Variants in DOCK8 observed in about 807,000 individuals in gnomAD.
DOCK8 encodes the protein dedicator of cytokinesis protein 8.
A neutral mutation model predicts 245.6 loss-of-function variants in DOCK8; 141 were observed. The ratio of observed to expected loss-of-function variants is 0.57; its 90% CI spans 0.50 to 0.66. The LOEUF (loss-of-function observed/expected upper bound fraction) is 0.66, where lower values mean the gene tolerates loss of function less well. Among genes scored for constraint, DOCK8 ranks in the 30% least tolerant of loss-of-function variants. The pLI, the probability that DOCK8 is intolerant of heterozygous loss-of-function variation, is 0.00. For synonymous variants in DOCK8, 1,168 were observed against 970.2 expected (o/e 1.20, Z -3.79); for missense variants, 2,965 against 2,603.4 (o/e 1.14, Z -3.02).
At position 434,905 on chromosome 9, in the gene DOCK8, C is replaced by T. The variant is rs1234828608; in HGVS notation, c.5009C>T (p.Ala1670Val). 5 of 1,613,724 alleles carry T rather than the reference C, an allele frequency of 3.1e-6. No individual in the cohort carries two copies. The highest frequency in any genetic ancestry group is 2.7e-5 in the African/African-American group (2 of 74,916). Residue 1670 changes from alanine (A) to valine (V), a missense_variant, in exon 39 of 48, where the codon GCG (alanine) becomes GTG (valine). By Grantham distance (64) the Ala-to-Val change is moderately conservative (BLOSUM62 0). This residue lies in a region of DOCK8 where 2,825 missense variants were observed against 2,453.5 expected (regional missense o/e 1.15). Transcript: ENST00000432829. ...GCCATGTGCCTGGTGCACGCCGCTG[C>T]GTTAGTGGCTGAGTATCTGAGCATG... ...EAAMCLVHAA[A>V]LVAEYLSMLE...
chr9:435,433 C>T (rs1342868220), intron 39 of DOCK8, among the ~76,000 whole-genome samples: 3 of 152,172 alleles, frequency 2.0e-5, no homozygotes, highest in African/African-American at 7.2e-5. Context: ...ATTCCCACTT[C>T]GCGGATGAGA....
At chr9:262,961 CT>C (rs1431576844) in intron 1 of DOCK8, among the ~76,000 whole-genome samples, 1 of 152,154 alleles carries the variant, frequency 6.6e-6, no homozygotes, top group African/African-American at 2.4e-5. Flanking sequence ...AATCCCAGCA[CT>C]TTGGGAGGCC....
chr9:223,557 T>C (rs1368406473), intron 1 of DOCK8, among the ~76,000 whole-genome samples: 1 of 152,116 alleles, frequency 6.6e-6, no homozygotes, highest in Non-Finnish European at 1.5e-5. Context: ...TTGGAAATCC[T>C]TTTAGAATTA....
At chr9:331,175 T>G (rs2050992670) in intron 9 of DOCK8, among the ~76,000 whole-genome samples, 1 of 152,218 alleles carries the variant, frequency 6.6e-6, no homozygotes, top group African/African-American at 2.4e-5. Context: ...TATCGCCACC[T>G]TATCTCCCAG....
chr9:374,463 T>TG (rs1373458119), intron 18 of DOCK8, among the ~76,000 whole-genome samples: 3 of 142,134 alleles, frequency 2.1e-5, no homozygotes, highest in Non-Finnish European at 4.6e-5. Flanking sequence ...GTTTTTTTTT[T>TG]TTTTTTTTTT....
At chr9:317,652 A>T (rs2050405345) in intron 7 of DOCK8, among the ~76,000 whole-genome samples, 1 of 152,238 alleles carries the variant, frequency 6.6e-6, no homozygotes, top group Non-Finnish European at 1.5e-5. Flanking sequence ...AATGCAACTG[A>T]AACTCAGTGC....
intron 1 of DOCK8, among the ~76,000 whole-genome samples, chr9:249,436 A>T (rs2047595734): frequency 6.6e-6 from 1 of 152,296 alleles, no homozygotes; most frequent in Middle Eastern, 3.4e-3. Context: ...ATTTTCTTTC[A>T]AAAGTTTAAT....
At chr9:376,400 C>T (rs2053517349) in intron 19 of DOCK8, 95 bp downstream of exon 19, 1 of 922,242 alleles carries the variant, frequency 1.1e-6, no homozygotes, top group South Asian at 1.3e-5. Flanking sequence ...TCCTTGTCTA[C>T]AGATAAATAA....
At chr9:279,293 G>A (rs1407708291) in intron 2 of DOCK8, among the ~76,000 whole-genome samples, 1 of 152,210 alleles carries the variant, frequency 6.6e-6, no homozygotes, top group African/African-American at 2.4e-5. Context: ...TTATCAAGTA[G>A]TGATGTTGAG....
At chr9:462,030 T>G (rs536010308) in intron 46 of DOCK8, among the ~76,000 whole-genome samples, 1 of 152,270 alleles carries the variant, frequency 6.6e-6, no homozygotes, top group African/African-American at 2.4e-5. Context: ...CTCTCTATAT[T>G]AACTTTGGTT....
chr9:292,594 G>A (rs774726678), intron 4 of DOCK8, among the ~76,000 whole-genome samples: 5 of 150,360 alleles, frequency 3.3e-5, no homozygotes, highest in African/African-American at 7.4e-5. Context: ...CTGCTTATTC[G>A]TGAAATTTGT....
chr9:442,064 G>A (rs2057111576), intron 42 of DOCK8, 55 bp downstream of exon 42: 42 of 1,606,942 alleles, frequency 2.6e-5, no homozygotes, highest in Non-Finnish European at 3.5e-5. Context: ...AAACAAGTTA[G>A]AGTGGGTCAT....
intron 16 of DOCK8, among the ~76,000 whole-genome samples, chr9:371,031 T>C (rs552724800): frequency 6.6e-6 from 1 of 152,348 alleles, no homozygotes; most frequent in African/African-American, 2.4e-5. Flanking sequence ...CTCATTCATT[T>C]GCTTCTACTC....
At chr9:347,951 T>C (rs1040601065) in intron 14 of DOCK8, among the ~76,000 whole-genome samples, 1 of 152,230 alleles carries the variant, frequency 6.6e-6, no homozygotes, top group African/African-American at 2.4e-5. Context: ...ACAAAACATA[T>C]GAAGTCGTGA....
In DOCK8 at chr9:416,827, A is replaced by G. The variant is rs146018569; in HGVS notation, c.3701-1241A>G. Among the ~76,000 whole-genome samples, 817 of 152,346 alleles carry G rather than the reference A, an allele frequency of 5.4e-3. 7 individuals carry two copies. The highest frequency in any genetic ancestry group is 0.018 in the African/African-American group (750 of 41,582). ...TCTATAAAAGCATTTTGCACAGCAC[A>G]TGTTTGTATCTTTCCCGATTTTTCT... On this transcript the variant is annotated intron_variant, in intron 29 of 47. Coordinates refer to ENST00000432829, the MANE Select transcript of DOCK8 (RefSeq NM_203447.4).
At chr9:336,757 A>T (rs761168314) in intron 12 of DOCK8, 39 bp downstream of exon 12, 1 of 1,613,392 alleles carries the variant, frequency 6.2e-7, no homozygotes, top group Admixed American at 1.7e-5. Context: ...ATTTTTCCCC[A>T]TACTGGCATG....
At chr9:226,451 A>G (rs950819481) in intron 1 of DOCK8, among the ~76,000 whole-genome samples, 5 of 152,156 alleles carry the variant, frequency 3.3e-5, no homozygotes, top group African/African-American at 7.2e-5. Context: ...TGTTTAAAAG[A>G]TCTATTGTAC....
intron 27 of DOCK8, 143 bp downstream of exon 27, chr9:405,216 C>G (rs1397601613): frequency 3.7e-6 from 3 of 817,156 alleles, no homozygotes; most frequent in Non-Finnish European, 1.9e-6. Flanking sequence ...AGTATGCTAC[C>G]CTGAAGTTAC....
rs931925238 is a variant in DOCK8 at position 432,472 on chromosome 9, C to T, written c.4785+148C>T. The T allele has an allele frequency of 5.0e-5, 38 of 754,320 alleles. No individual in the cohort carries two copies. The African/African-American group carries it at 5.4e-4, about 11-fold the overall frequency. The allele number at this position is 754,320 out of a possible 1,614,324, so 46.7% of individuals were successfully genotyped here. The stretch of plus-strand genomic sequence containing the variant: ...GTCCAATATGCATGTGCTCTCAGCA[C>T]TCTGAGAGGTTTTAAAAAGAAATAC... On this transcript the variant is annotated intron_variant, in intron 37 of 47. Transcript: ENST00000432829.
Sources: gnomAD v4.1 joint callset for allele counts (sites outside exome capture counted in the v4.1 genomes callset) on GRCh38, gnomAD v4.1.1 for gene constraint, gnomAD v4.1.1 regional missense constraint, MANE v1.5 for transcripts, NCBI Gene and HGNC (gene_info 2026-07-23, HGNC 2026-07-21) for gene names.